Variants in CD34 observed in about 807,000 individuals in gnomAD.
CD34 encodes CD34 molecule.
CD34 carries 34 observed loss-of-function variants against 40.1 expected under a neutral mutation model. The ratio of observed to expected loss-of-function variants is 0.85; its 90% CI spans 0.65 to 1.13. The LOEUF (loss-of-function observed/expected upper bound fraction) is 1.13. CD34 is among the 50% of genes most tolerant of loss of function. The pLI, the probability that CD34 is intolerant of heterozygous loss-of-function variation, is 0.00. For synonymous variants in CD34, 209 were observed against 190.0 expected (o/e 1.10, Z -0.82); for missense variants, 426 against 466.9 (o/e 0.91, Z 0.81).
chr1:207,905,114 A>G (rs1662349346), intron 1 of CD34, among the ~76,000 whole-genome samples: 2 of 152,206 alleles, frequency 1.3e-5, no homozygotes, highest in African/African-American at 4.8e-5. Context: ...ATGGTCAGTC[A>G]GTAAAGAATG....
intron 3 of CD34, among the ~76,000 whole-genome samples, chr1:207,898,390 C>T (rs1357898281): frequency 6.6e-6 from 1 of 152,160 alleles, no homozygotes. Context: ...TCGGGCATAT[C>T]TCATGACTGA....
intron 1 of CD34, among the ~76,000 whole-genome samples, chr1:207,910,084 C>T (rs1048578984): frequency 6.6e-6 from 1 of 152,104 alleles, no homozygotes; most frequent in Non-Finnish European, 1.5e-5. Flanking sequence ...AATGTCATTC[C>T]CCAAGGAAAG....
intron 1 of CD34, among the ~76,000 whole-genome samples, chr1:207,908,129 C>G (rs1020678355): frequency 3.3e-5 from 5 of 152,182 alleles, no homozygotes. Flanking sequence ...TTTCGTAGGA[C>G]TCTGCAGCTG....
In CD34 at chr1:207,881,457, A is replaced by T. The variant is rs1204901235; in HGVS notation, c.*6281T>A. The T allele has an allele frequency of 2.6e-5, 4 of 152,238 alleles. No individual in the cohort carries two copies. Among genetic ancestry groups the T allele is most frequent in the Admixed American group, 6.5e-5 (1 of 15,282 alleles). The allele number at this position is 152,238 out of a possible 1,614,324, so 9.4% of individuals were successfully genotyped here. ...GGTGGATCATGAGGTCAGGAGATCG[A>T]GACCAGCCTGGCTAACACGGTGAAA... On this transcript the variant is annotated 3_prime_UTR_variant, in exon 8 of 8. Coordinates refer to ENST00000310833, the MANE Select transcript of CD34 (RefSeq NM_001025109.2).
At chr1:207,890,753 G>A (rs1174878873) in intron 4 of CD34, among the ~76,000 whole-genome samples, 2 of 152,094 alleles carry the variant, frequency 1.3e-5, no homozygotes, top group Admixed American at 6.6e-5. Flanking sequence ...ACAGAGACAC[G>A]AGCCCAAACT....
intron 7 of CD34, chr1:207,888,185 A>G (rs2235766): frequency 0.12 from 186,309 of 1,574,798 alleles, 12,826 homozygotes; most frequent in East Asian, 0.37. Flanking sequence ...CAGCTCCCGC[A>G]GGAAAACGGG....
intron 4 of CD34, among the ~76,000 whole-genome samples, chr1:207,893,252 C>CGT (rs1167002707): frequency 6.6e-6 from 1 of 152,090 alleles, no homozygotes; most frequent in Non-Finnish European, 1.5e-5. Flanking sequence ...TGCAAAGACT[C>CGT]TTAACATCAA....
Position 207,899,893 on chromosome 1 carries a change from G to A in CD34, c.190C>T (p.Pro64Ser). ...TNVSYQETTT[P>S]STLGSTSLHP... ...AGGCTGGTACTTCCAAGGGTACTAGGTGTTGTAGTTTCTTGGTAGGATACA... is the reference window on the plus strand; with the variant it reads ...AGGCTGGTACTTCCAAGGGTACTAGATGTTGTAGTTTCTTGGTAGGATACA... Residue 64 changes from proline (P) to serine (S), a missense_variant, in exon 2 of 8, where the codon CCT (proline) becomes TCT (serine). Transcript: ENST00000310833. 3 of 1,614,028 alleles carry A rather than the reference G, an allele frequency of 1.9e-6. No homozygotes were observed. The highest frequency in any genetic ancestry group is 1.7e-6 in the Non-Finnish European group (2 of 1,179,906).
chr1:207,887,671 G>A lies in CD34; in HGVS notation c.*67C>T. The A allele has an allele frequency of 6.3e-7, 1 of 1,596,332 alleles. No individual in the cohort carries two copies. The highest frequency in any genetic ancestry group is 1.1e-5 in the South Asian group (1 of 88,216). ...AGATGTCACCTCCAGCATGGGGGTA[G>A]CACGTGGTCAGATGCAGAGAGGGGT... On this transcript the variant is annotated 3_prime_UTR_variant, in exon 8 of 8. Coordinates refer to ENST00000310833, the MANE Select transcript of CD34 (RefSeq NM_001025109.2).
At chr1:207,899,794 G>T (rs181193825) in intron 2 of CD34, 27 bp downstream of exon 2, 2 of 1,591,310 alleles carry the variant, frequency 1.3e-6, no homozygotes, top group Admixed American at 3.4e-5. Context: ...GCATCTCTCC[G>T]GGATCTGACA....
chr1:207,899,269 C>A, intron 2 of CD34, 43 bp from the exon 3 acceptor site: 1 of 1,599,362 alleles, frequency 6.3e-7, no homozygotes, highest in South Asian at 1.1e-5. Flanking sequence ...TGCATGTGCT[C>A]ATAGATACAC....
chr1:207,890,331 G>T, intron 4 of CD34: 2 of 619,778 alleles, frequency 3.2e-6, no homozygotes, highest in Middle Eastern at 8.3e-4. Context: ...CCTCCAATCA[G>T]AGTGTCCTCC....
In CD34 at chr1:207,911,052, C is replaced by T. The variant is rs1447268968; in HGVS notation, c.29G>A (p.Gly10Glu). The change falls in exon 1 of 8, where the codon GGG (glycine) becomes GAG (glutamate). Residue 10 changes from glycine to glutamate, a missense_variant. By Grantham distance (98) the Gly-to-Glu change is moderately conservative (BLOSUM62 -2). Coordinates refer to ENST00000310833, the MANE Select transcript of CD34 (RefSeq NM_001025109.2). Reference protein sequence around the residue: MLVRRGARAGPRMPRGWTAL... With the variant: MLVRRGARAEPRMPRGWTAL... ...GGTCCAGCCCCGCGGCATCCTGGGC[C>T]CTGCGCGCGCGCCCCTGCGGACCAG... The T allele has an allele frequency of 6.3e-7, 1 of 1,592,232 alleles. No individual in the cohort carries two copies.
chr1:207,894,842 A>G (rs1662116767), intron 4 of CD34, among the ~76,000 whole-genome samples: 2 of 152,126 alleles, frequency 1.3e-5, no homozygotes, highest in Admixed American at 1.3e-4. Context: ...TGGGATAGAC[A>G]TGTCTACAGA....
chr1:207,907,165 AG>A (rs1178635952), intron 1 of CD34, among the ~76,000 whole-genome samples: 2 of 152,210 alleles, frequency 1.3e-5, no homozygotes, highest in East Asian at 3.9e-4. Flanking sequence ...ACGAGATTAC[AG>A]GGCAGCCCAG....
At position 207,910,988 on chromosome 1, in the gene CD34, C is replaced by T; in HGVS notation, c.79+14G>A. 6.4e-7 allele frequency: 1 copy of T among 1,570,358 alleles called. No individual in the cohort carries two copies. Among genetic ancestry groups the T allele is most frequent in the African/African-American group, 1.3e-5 (1 of 74,390 alleles). ...GGCGAAGCCAAGCGGCCGCGGCGCG[C>T]GGGCGGTACTCACGCAGCAAACTCA... On this transcript the variant is annotated intron_variant, in intron 1 of 7. Transcript: ENST00000310833.
chr1:207,891,634 C>A (rs1235362715), intron 4 of CD34, among the ~76,000 whole-genome samples: 7 of 151,572 alleles, frequency 4.6e-5, no homozygotes, highest in African/African-American at 1.5e-4. Flanking sequence ...TGTACTCCAC[C>A]CTGGGTGACA....
Position 207,897,483 on chromosome 1 carries a change from G to A in CD34, c.597+10C>T, listed in dbSNP as rs377027192. 10 of 1,550,686 alleles carry A rather than the reference G, an allele frequency of 6.4e-6. No individual in the cohort carries two copies. The African/African-American group carries it at 1.2e-4, about 19-fold the overall frequency. On this transcript the variant is annotated intron_variant, in intron 4 of 7. Coordinates refer to ENST00000310833, the MANE Select transcript of CD34 (RefSeq NM_001025109.2). ...GCGGGAGGAAGAGGTTGGGTGGGGGGTTGACTTACACAGCTGGAGGTCTTA... is the reference window on the plus strand; with the variant it reads ...GCGGGAGGAAGAGGTTGGGTGGGGGATTGACTTACACAGCTGGAGGTCTTA...
Position 207,882,474 on chromosome 1 carries a change from A to T in CD34, c.*5264T>A, listed in dbSNP as rs571393258. The T allele has an allele frequency of 6.6e-6, 1 of 152,366 alleles. No individual in the cohort carries two copies. The highest frequency in any genetic ancestry group is 2.1e-4 in the South Asian group (1 of 4,830). The allele number at this position is 152,366 out of a possible 1,614,324, so 9.4% of individuals were successfully genotyped here. ...TCACTGGTAATACCAAGAACCAGGAAAATCTCAATTTGATTGAGAAAAAAC... is the reference window on the plus strand; with the variant it reads ...TCACTGGTAATACCAAGAACCAGGATAATCTCAATTTGATTGAGAAAAAAC... On this transcript the variant is annotated 3_prime_UTR_variant, in exon 8 of 8. Transcript: ENST00000310833.
Sources: allele counts gnomAD v4.1 joint callset (sites outside exome capture counted in the v4.1 genomes callset), GRCh38; gene constraint gnomAD v4.1.1; transcripts MANE v1.5; gene names NCBI Gene and HGNC (gene_info 2026-07-23, HGNC 2026-07-21).